SCFD2: variants seen among roughly 807,000 people sequenced by gnomAD.
SCFD2 encodes the protein sec1 family domain containing 2.
A neutral mutation model predicts 58.9 loss-of-function variants in SCFD2; 54 were observed. That is an observed-to-expected ratio of 0.92 (90% confidence interval 0.74 to 1.15). The LOEUF (loss-of-function observed/expected upper bound fraction) is 1.15, where lower values mean the gene tolerates loss of function less well. SCFD2 is among the 50% of genes most tolerant of loss of function. SCFD2 has a pLI of 0.00. For missense variants in SCFD2, 805 were observed against 836.6 expected (o/e 0.96, Z 0.47); for synonymous variants, 321 against 335.9 (o/e 0.96, Z 0.49).
intron 5 of SCFD2, among the ~76,000 whole-genome samples, chr4:52,996,241 C>T (rs1211529233): frequency 3.3e-5 from 5 of 152,176 alleles, no homozygotes; most frequent in Non-Finnish European, 7.3e-5. Flanking sequence ...TTCCAAGTCT[C>T]TCTAGCCATA....
chr4:53,152,655 A>G (rs1726546002), intron 4 of SCFD2, among the ~76,000 whole-genome samples: 1 of 152,184 alleles, frequency 6.6e-6, no homozygotes, highest in Non-Finnish European at 1.5e-5. Flanking sequence ...TCCCCTCCCA[A>G]TAGTCCAAGG....
intron 5 of SCFD2, among the ~76,000 whole-genome samples, chr4:52,971,545 G>A (rs1721101239): frequency 1.3e-5 from 2 of 152,342 alleles, no homozygotes; most frequent in South Asian, 2.1e-4. Flanking sequence ...TCTGATTGGT[G>A]TACCTGAAAG....
chr4:52,890,043 T>C (rs1166903338), intron 7 of SCFD2, among the ~76,000 whole-genome samples: 1 of 152,248 alleles, frequency 6.6e-6, no homozygotes, highest in African/African-American at 2.4e-5. Flanking sequence ...GAAAGGCCCT[T>C]CTTTTCTTAG....
At chr4:53,284,554 A>G (rs149216370) in intron 3 of SCFD2, among the ~76,000 whole-genome samples, 1 of 44,562 alleles carries the variant, frequency 2.2e-5, no homozygotes, top group African/African-American at 4.9e-5. Flanking sequence ...GAATGGACAG[A>G]TGTGTATTTT....
At chr4:52,902,115 C>G (rs911277528) in intron 7 of SCFD2, among the ~76,000 whole-genome samples, 1 of 152,298 alleles carries the variant, frequency 6.6e-6, no homozygotes, top group African/African-American at 2.4e-5. Context: ...TGAAGTGCTC[C>G]TGGGAGAGTT....
chr4:53,222,818 C>A (rs1200095166), intron 4 of SCFD2, among the ~76,000 whole-genome samples: 6 of 152,172 alleles, frequency 3.9e-5, no homozygotes, highest in Non-Finnish European at 7.3e-5. Flanking sequence ...TGTGTCCTAT[C>A]TGGTTACTGT....
chr4:52,931,535 G>A (rs186853777), intron 5 of SCFD2, among the ~76,000 whole-genome samples: 3 of 152,344 alleles, frequency 2.0e-5, no homozygotes, highest in Admixed American at 2.0e-4. Context: ...GCCTCCGGGT[G>A]GGGAGTGCAG....
chr4:53,037,456 A>C (rs1385265994), intron 5 of SCFD2, among the ~76,000 whole-genome samples: 2 of 152,136 alleles, frequency 1.3e-5, no homozygotes, highest in African/African-American at 2.4e-5. Context: ...TTAAAGCTAT[A>C]AAATCTTATG....
intron 5 of SCFD2, among the ~76,000 whole-genome samples, chr4:53,001,042 C>T (rs1721855431): frequency 6.6e-6 from 1 of 152,192 alleles, no homozygotes; most frequent in African/African-American, 2.4e-5. Flanking sequence ...CTTTGTAAAA[C>T]AACACTAGCA....
chr4:53,263,558 G>A (rs1730891554), intron 4 of SCFD2, among the ~76,000 whole-genome samples: 1 of 152,160 alleles, frequency 6.6e-6, no homozygotes. Context: ...AAGGTTTCAG[G>A]CTGGTACTGG....
chr4:52,915,185 C>T (rs992670383), intron 6 of SCFD2, among the ~76,000 whole-genome samples: 2 of 152,154 alleles, frequency 1.3e-5, no homozygotes, highest in African/African-American at 4.8e-5. Flanking sequence ...ATTTGGTGCA[C>T]CTTAAAAATG....
chr4:53,127,943 GT>G (rs111600729), intron 5 of SCFD2, among the ~76,000 whole-genome samples: 493 of 87,300 alleles, frequency 5.6e-3, no homozygotes, highest in Admixed American at 0.012. Context: ...CCAGTTTTTT[GT>G]TTTTTTTTTT....
In SCFD2 at chr4:53,365,374, C is replaced by G. The variant is rs117028176; in HGVS notation, c.568G>C (p.Ala190Pro). The G allele has an allele frequency of 4.9e-4, 795 of 1,614,100 alleles. 8 individuals carry two copies. The East Asian group carries it at 0.014, about 27-fold the overall frequency. Residue 190 changes from alanine to proline, a missense_variant, in exon 1 of 9, where the codon GCC becomes CCC. Ala to Pro is a conservative substitution (Grantham distance 27). Coordinates refer to ENST00000401642, the MANE Select transcript of SCFD2 (RefSeq NM_152540.4). The surrounding 1 kb of genome is among the most constrained non-coding windows in gnomAD (Gnocchi z 4.3). The stretch of plus-strand genomic sequence containing the variant: ...CCCAGCTTCCTCTTGTCCGGTCGGG[C>G]GCTATTAAGGAGGTGCACATCCTGG... Reference protein sequence around the residue: ...LPQDVHLLNSARPDKRKLGSL... With the variant: ...LPQDVHLLNSPRPDKRKLGSL...
intron 4 of SCFD2, among the ~76,000 whole-genome samples, chr4:53,163,251 G>T (rs1726907890): frequency 6.6e-6 from 1 of 152,200 alleles, no homozygotes; most frequent in Non-Finnish European, 1.5e-5. Context: ...TTGAGTGCTG[G>T]AATCAGGGCC....
chr4:53,223,567 T>A (rs1328218926), intron 4 of SCFD2, among the ~76,000 whole-genome samples: 2 of 152,236 alleles, frequency 1.3e-5, no homozygotes, highest in Non-Finnish European at 2.9e-5. Context: ...GTCTTGCATG[T>A]CTTTCCCGTC....
intron 4 of SCFD2, among the ~76,000 whole-genome samples, chr4:53,161,392 C>A (rs1268197424): frequency 6.6e-6 from 1 of 152,108 alleles, no homozygotes; most frequent in Non-Finnish European, 1.5e-5. Flanking sequence ...TAGCATTTAT[C>A]CAAAGTAAGA....
intron 4 of SCFD2, among the ~76,000 whole-genome samples, chr4:53,172,243 T>G (rs376194918): frequency 6.6e-6 from 1 of 152,104 alleles, no homozygotes; most frequent in African/African-American, 2.4e-5. Context: ...GACCTTGTGA[T>G]CTGCCTGTCT....
intron 5 of SCFD2, among the ~76,000 whole-genome samples, chr4:53,044,211 G>T (rs558839285): frequency 6.6e-6 from 1 of 152,072 alleles, no homozygotes; most frequent in Admixed American, 6.6e-5. Context: ...TTCCCCCTGG[G>T]GTTGGTACAC....
chr4:53,146,789 A>G (rs1726344473), intron 4 of SCFD2, among the ~76,000 whole-genome samples: 1 of 152,152 alleles, frequency 6.6e-6, no homozygotes, highest in African/African-American at 2.4e-5. Flanking sequence ...AGTATAGTAT[A>G]TTATTATAAC....
Sources: allele counts gnomAD v4.1 joint callset (sites outside exome capture counted in the v4.1 genomes callset), GRCh38; gene constraint gnomAD v4.1.1; non-coding constraint Gnocchi (gnomAD v3.1); transcripts MANE v1.5; gene names NCBI Gene and HGNC (gene_info 2026-07-23, HGNC 2026-07-21).